SIRT5: variants seen among roughly 807,000 people sequenced by gnomAD.
SIRT5 encodes the protein sirtuin 5, also known as NAD-dependent protein deacylase sirtuin-5, mitochondrial.
SIRT5 carries 26 observed loss-of-function variants against 40.0 expected under a neutral mutation model. The ratio of observed to expected loss-of-function variants is 0.65; its 90% CI spans 0.48 to 0.90. SIRT5 has a LOEUF of 0.90. Ranked by LOEUF, SIRT5 falls within the 40% of genes least tolerant of loss-of-function variation. The probability of loss-of-function intolerance (pLI) is 0.00; values close to 1 mark genes in which losing one functional copy is unlikely to be tolerated. For missense variants in SIRT5, 401 were observed against 402.4 expected, an observed-to-expected ratio of 1.00 and a Z score of 0.03; for synonymous variants, 146 against 149.1, an observed-to-expected ratio of 0.98 and a Z score of 0.15.
chr6:13,591,568 C>T (rs577549734), intron 4 of SIRT5, 101 bp from the exon 5 acceptor site: 34 of 988,806 alleles, frequency 3.4e-5, no homozygotes, highest in African/African-American at 1.6e-4. Flanking sequence ...ACCTTCCCGA[C>T]GCTGCCTGTC....
chr6:13,605,808 C>T (rs1763028351), intron 9 of SIRT5: 2 of 985,328 alleles, frequency 2.0e-6, no homozygotes, highest in Non-Finnish European at 2.4e-6. Context: ...TTCGCTGAGG[C>T]AAAAATGGGA....
At chr6:13,588,721 T>TA (rs1202023557) in intron 4 of SIRT5, among the ~76,000 whole-genome samples, 2 of 152,234 alleles carry the variant, frequency 1.3e-5, no homozygotes, top group African/African-American at 2.4e-5. Flanking sequence ...ATAATTGTGT[T>TA]AAAGTGAAAT....
intron 1 of SIRT5, among the ~76,000 whole-genome samples, chr6:13,576,692 T>G (rs1677803936): frequency 6.6e-6 from 1 of 152,230 alleles, no homozygotes; most frequent in African/African-American, 2.4e-5. Flanking sequence ...TTTTTGCTTT[T>G]GTTGCTTTTG....
intron 9 of SIRT5, among the ~76,000 whole-genome samples, chr6:13,611,515 A>C (rs1333429178): frequency 6.6e-6 from 1 of 152,034 alleles, no homozygotes; most frequent in Non-Finnish European, 1.5e-5. Context: ...TGTCTCTTAC[A>C]CTTTGAAATA....
In SIRT5 at chr6:13,613,149, A is replaced by G. The variant is rs923855184; in HGVS notation, c.*1284A>G. ...CACTTATAAAAAGCATGCAGTTTAC[A>G]TAGCACTTTCACTCAGCACCCTCCC... On this transcript the variant is annotated 3_prime_UTR_variant, in exon 10 of 10. Transcript: ENST00000606117. The G allele has an allele frequency of 6.6e-6, 1 of 152,280 alleles. No homozygotes were observed. The highest frequency in any genetic ancestry group is 2.4e-5 in the African/African-American group (1 of 41,430). The allele number at this position is 152,280 out of a possible 1,614,324, so 9.4% of individuals were successfully genotyped here. A position where few individuals can be genotyped will look rare whatever the true frequency, so the allele number is the denominator to read the frequency against.
At chr6:13,604,356 A>C (rs1762812538) in intron 9 of SIRT5, 1 of 755,550 alleles carries the variant, frequency 1.3e-6, no homozygotes, top group Non-Finnish European at 2.3e-6. Context: ...TAGGCAGCTC[A>C]AGCCTCCTGT....
chr6:13,591,551 A>G (rs1167511794), intron 4 of SIRT5, 118 bp from the exon 5 acceptor site: 7 of 821,730 alleles, frequency 8.5e-6, no homozygotes, highest in South Asian at 3.9e-5. Context: ...TGCCATCTCC[A>G]GCCTGCACCT....
intron 1 of SIRT5, among the ~76,000 whole-genome samples, chr6:13,575,550 A>AT (rs776189327): frequency 3.3e-5 from 5 of 151,766 alleles, no homozygotes; most frequent in Non-Finnish European, 7.4e-5. Context: ...TTATATAATT[A>AT]TTTTTATTGA....
intron 6 of SIRT5, among the ~76,000 whole-genome samples, chr6:13,596,014 A>C (rs1347438156): frequency 1.3e-5 from 2 of 152,140 alleles, no homozygotes; most frequent in Non-Finnish European, 2.9e-5. Context: ...AACAAACAAA[A>C]AAACTAAATA....
Position 13,607,473 on chromosome 6 carries a change from CTCT to C in SIRT5, c.858-4315_858-4313del, listed in dbSNP as rs1309096684. On this transcript the variant is annotated intron_variant, in intron 9 of 9. Transcript: ENST00000606117. This position sits in a 1 kb window ranked among gnomAD's most constrained non-coding sequence, Gnocchi z 4.0. ...TCAACTAGTTTTCCTAGAAATAACT[CTCT>C]TAACAGCTCTATTTTTGCAGTTTAT... Among the ~76,000 whole-genome samples, 1 of 152,154 alleles carries C rather than the reference CTCT, an allele frequency of 6.6e-6. No individual in the cohort carries two copies. The highest frequency in any genetic ancestry group is 1.5e-5 in the Non-Finnish European group (1 of 68,026).
At chr6:13,582,547 T>G (rs1759481582) in intron 2 of SIRT5, among the ~76,000 whole-genome samples, 1 of 149,824 alleles carries the variant, frequency 6.7e-6, no homozygotes, top group Non-Finnish European at 1.5e-5. Context: ...TTATGAGTTT[T>G]GACAGATACA....
chr6:13,612,661 G>C lies in SIRT5; in HGVS notation c.*796G>C, dbSNP rs1412016302. 6.6e-6 allele frequency: 1 copy of C among 152,184 alleles called. No homozygotes were observed. Among genetic ancestry groups the C allele is most frequent in the Non-Finnish European group, 1.5e-5 (1 of 68,090 alleles). The allele number at this position is 152,184 out of a possible 1,614,324, so 9.4% of individuals were successfully genotyped here. On this transcript the variant is annotated 3_prime_UTR_variant, in exon 10 of 10. Transcript: ENST00000606117. ...GGCTTACTGGGGGCTTTTTAACCTT[G>C]TTTGGCTACATTACCTCAGTGAACA...
intron 9 of SIRT5, chr6:13,605,341 G>A (rs201841132): frequency 1.4e-5 from 13 of 948,092 alleles, no homozygotes; most frequent in Middle Eastern, 5.3e-4. Context: ...GGTCTGCAAA[G>A]CCTAAAATAT....
chr6:13,605,686 AT>A, intron 9 of SIRT5: 1 of 985,410 alleles, frequency 1.0e-6, no homozygotes. Flanking sequence ...ATATTGGATG[AT>A]TTCTGATAAA....
At chr6:13,583,850 AC>A (rs1759698567) in intron 2 of SIRT5, among the ~76,000 whole-genome samples, 1 of 152,138 alleles carries the variant, frequency 6.6e-6, no homozygotes, top group Non-Finnish European at 1.5e-5. Flanking sequence ...GCACCTCTGC[AC>A]CTCTAGGAGC....
chr6:13,609,641 A>G (rs924212961), intron 9 of SIRT5, among the ~76,000 whole-genome samples: 7 of 152,238 alleles, frequency 4.6e-5, no homozygotes, highest in Admixed American at 1.3e-4. Flanking sequence ...AGGCTAGAGG[A>G]ATATTTCATT....
At position 13,591,774 on chromosome 6, in the gene SIRT5, C is replaced by T. The variant is rs777147308; in HGVS notation, c.355C>T (p.Arg119Cys). The T allele has an allele frequency of 5.6e-6, 9 of 1,613,866 alleles. No individual in the cohort carries two copies. Among genetic ancestry groups the T allele is most frequent in the Middle Eastern group, 1.6e-4 (1 of 6,084 alleles). ...GAGCAAGGAGCCCAACGCCGGGCAC[C>T]GCGCCATAGCCGAGTGTGAGACCCG... ...MGSKEPNAGH[R>C]AIAECETRLG... is the part of the protein sequence containing the mutation. Residue 119 changes from arginine (R) to cysteine (C), a missense_variant, in exon 5 of 10, where the codon CGC (arginine) becomes TGC (cysteine). Transcript: ENST00000606117.
intron 9 of SIRT5, among the ~76,000 whole-genome samples, chr6:13,609,835 A>T (rs948237744): frequency 2.6e-5 from 4 of 152,210 alleles, no homozygotes; most frequent in African/African-American, 9.6e-5. Context: ...TTCTGATCCA[A>T]AGAATCGCTG....
chr6:13,596,888 AAACT>A (rs1761632820), intron 6 of SIRT5, 71 bp from the exon 7 acceptor site: 1 of 1,238,286 alleles, frequency 8.1e-7, no homozygotes. Context: ...GCAAATATAC[AAACT>A]GAGTTATGTT....
Sources: allele counts gnomAD v4.1 joint callset (sites outside exome capture counted in the v4.1 genomes callset), GRCh38; gene constraint gnomAD v4.1.1; non-coding constraint Gnocchi (gnomAD v3.1); transcripts MANE v1.5; gene names NCBI Gene and HGNC (gene_info 2026-07-23, HGNC 2026-07-21).